HDAC8: variants seen among roughly 807,000 people sequenced by gnomAD.
HDAC8 encodes histone deacetylase 8.
Under a neutral mutation model 32.2 loss-of-function variants are expected in HDAC8, and 1 was observed. The observed-to-expected ratio is 0.03, with a 90% CI of 0.01 to 0.15. HDAC8 has a LOEUF of 0.15. Among genes scored for constraint, HDAC8 ranks in the 10% least tolerant of loss-of-function variants. The pLI, the probability that HDAC8 is intolerant of heterozygous loss-of-function variation, is 1.00. For missense variants in HDAC8, 117 were observed against 300.0 expected (o/e 0.39, Z 4.51); for synonymous variants, 108 against 113.9 (o/e 0.95, Z 0.33).
chrX:72,411,275 T>C (rs2984281), intron 9 of HDAC8, among the ~76,000 whole-genome samples: 10,077 of 110,490 alleles, frequency 0.091, 1,149 homozygotes, highest in African/African-American at 0.32. Context: ...CCTCCCACCT[T>C]GGCCTCCCAA....
intron 9 of HDAC8, among the ~76,000 whole-genome samples, chrX:72,373,320 A>G (rs2044943972): frequency 8.9e-6 from 1 of 111,977 alleles, no homozygotes; most frequent in Non-Finnish European, 1.9e-5. Context: ...CCACTATCTA[A>G]TTCCAGAACA....
intron 9 of HDAC8, among the ~76,000 whole-genome samples, chrX:72,383,826 C>T (rs1335325869): frequency 4.0e-5 from 4 of 99,425 alleles, no homozygotes; most frequent in Admixed American, 1.1e-4. Context: ...GCCAAGATCA[C>T]GCCACTGCAC....
chrX:72,510,708 G>A (rs1023216713), intron 4 of HDAC8, among the ~76,000 whole-genome samples: 1 of 111,553 alleles, frequency 9.0e-6, no homozygotes, highest in Non-Finnish European at 1.9e-5. Context: ...AATAAATTGA[G>A]TAGATAGGTC....
At chrX:72,566,115 C>G in intron 4 of HDAC8, among the ~76,000 whole-genome samples, 1 of 109,910 alleles carries the variant, frequency 9.1e-6, no homozygotes, top group African/African-American at 3.3e-5. Flanking sequence ...CCACTGCACT[C>G]CAGCCTTGGT....
intron 9 of HDAC8, among the ~76,000 whole-genome samples, chrX:72,398,783 G>T (rs1248514253): frequency 1.9e-5 from 2 of 106,849 alleles, no homozygotes; most frequent in Non-Finnish European, 3.9e-5. Flanking sequence ...TTTGTGAACA[G>T]AGCCACTTCA....
At chrX:72,336,988 G>A (rs1304059552) in intron 10 of HDAC8, among the ~76,000 whole-genome samples, 3 of 111,507 alleles carry the variant, frequency 2.7e-5, no homozygotes, top group Non-Finnish European at 3.8e-5. Flanking sequence ...GGACTCAATC[G>A]ATCTGCCCAC....
At chrX:72,541,680 G>A (rs2050713184) in intron 4 of HDAC8, among the ~76,000 whole-genome samples, 1 of 111,643 alleles carries the variant, frequency 9.0e-6, no homozygotes, top group Non-Finnish European at 1.9e-5. Flanking sequence ...AGTGAGAGGT[G>A]GTCAGATTCT....
At chrX:72,460,291 C>G (rs1047398629) in intron 9 of HDAC8, among the ~76,000 whole-genome samples, 4 of 110,521 alleles carry the variant, frequency 3.6e-5, no homozygotes, top group Non-Finnish European at 7.6e-5. Flanking sequence ...CGTGCACCAC[C>G]ACGCCCAGCT....
In HDAC8 at chrX:72,493,605, TGCACAC is replaced by T. The variant is rs201035849; in HGVS notation, c.550+1545_550+1550del. Among the ~76,000 whole-genome samples the T allele has an allele frequency of 1.2e-3, 134 of 112,003 alleles. No individual in the cohort carries two copies. The East Asian group carries it at 0.031, about 26-fold the overall frequency. On this transcript the variant is annotated intron_variant, in intron 5 of 10. Coordinates refer to ENST00000373573, the MANE Select transcript of HDAC8 (RefSeq NM_018486.3). ...TTTGCAAACCACTCAAGGTCTCTATTGCACACGCACACACATATATACACACACACA... is the reference window on the plus strand; with the variant it reads ...TTTGCAAACCACTCAAGGTCTCTATTGCACACACATATATACACACACACA...
At chrX:72,407,227 G>A (rs909633219) in intron 9 of HDAC8, among the ~76,000 whole-genome samples, 11 of 112,633 alleles carry the variant, frequency 9.8e-5, no homozygotes. Flanking sequence ...TAATGAGACA[G>A]CCAGGTGAGA....
chrX:72,481,379 T>C (rs782664390), intron 7 of HDAC8, among the ~76,000 whole-genome samples: 2 of 111,749 alleles, frequency 1.8e-5, no homozygotes, highest in Non-Finnish European at 3.8e-5. Flanking sequence ...AGCTAGACCA[T>C]ATCAGGGATG....
intron 7 of HDAC8, among the ~76,000 whole-genome samples, chrX:72,482,610 G>T (rs937460129): frequency 4.5e-5 from 5 of 110,721 alleles, no homozygotes; most frequent in African/African-American, 1.3e-4. Context: ...TTTGGGGGGG[G>T]GGATTTTCTG....
intron 10 of HDAC8, among the ~76,000 whole-genome samples, chrX:72,346,281 T>C (rs1205458324): frequency 1.8e-5 from 2 of 111,879 alleles, no homozygotes; most frequent in East Asian, 2.8e-4. Context: ...AAAACCCTAC[T>C]CTGAAGTCCT....
intron 6 of HDAC8, chrX:72,489,346 G>T: frequency 3.0e-6 from 1 of 338,190 alleles, no homozygotes; most frequent in Non-Finnish European, 5.5e-6. Context: ...GTTGCATGGG[G>T]TGTCTACTAG....
At chrX:72,536,483 C>T (rs1205681176) in intron 4 of HDAC8, among the ~76,000 whole-genome samples, 3 of 112,025 alleles carry the variant, frequency 2.7e-5, no homozygotes, top group Non-Finnish European at 5.6e-5. Flanking sequence ...TTATGAAACT[C>T]ACATTTTTTC....
chrX:72,351,202 G>T, intron 10 of HDAC8: 1 of 192,606 alleles, frequency 5.2e-6, no homozygotes, highest in Non-Finnish European at 9.6e-6. Context: ...TGGGCTCAAG[G>T]GATCCTCCTG....
At chrX:72,397,531 C>A (rs1229676597) in intron 9 of HDAC8, among the ~76,000 whole-genome samples, 6 of 111,614 alleles carry the variant, frequency 5.4e-5, no homozygotes, top group African/African-American at 2.0e-4. Context: ...TGTGAACTTA[C>A]CATTGACCTT....
chrX:72,496,561 T>C (rs2049025762), intron 4 of HDAC8, among the ~76,000 whole-genome samples: 2 of 111,344 alleles, frequency 1.8e-5, no homozygotes, highest in Non-Finnish European at 3.8e-5. Flanking sequence ...TTTCCAATTA[T>C]GAAAAGCTTA....
chrX:72,417,440 G>A (rs1453257543), intron 9 of HDAC8, among the ~76,000 whole-genome samples: 1 of 111,582 alleles, frequency 9.0e-6, no homozygotes, highest in Non-Finnish European at 1.9e-5. Context: ...CAAGTTGACA[G>A]CCAAATCAAA....
Sources: allele counts gnomAD v4.1 joint callset (sites outside exome capture counted in the v4.1 genomes callset), GRCh38; gene constraint gnomAD v4.1.1; transcripts MANE v1.5; gene names NCBI Gene and HGNC (gene_info 2026-07-23, HGNC 2026-07-21).